Variants in FAM227B observed in about 807,000 individuals in gnomAD.
FAM227B encodes the protein protein FAM227B.
A neutral mutation model predicts 73.8 loss-of-function variants in FAM227B; 88 were observed. The observed-to-expected ratio is 1.19, with a 90% CI of 1.00 to 1.42. The LOEUF is 1.42. FAM227B is among the 40% of genes most tolerant of loss of function. FAM227B has a pLI of 0.00. For missense variants in FAM227B, 632 were observed against 590.9 expected (o/e 1.07, Z -0.72); for synonymous variants, 210 against 190.5 (o/e 1.10, Z -0.84).
At chr15:49,556,980 C>T (rs1021990820) in intron 9 of FAM227B, among the ~76,000 whole-genome samples, 2 of 152,118 alleles carry the variant, frequency 1.3e-5, no homozygotes, top group African/African-American at 4.8e-5. Flanking sequence ...CCCTTGCCTG[C>T]TCATCTCACC....
At chr15:49,415,862 T>C (rs1371749396) in intron 11 of FAM227B, among the ~76,000 whole-genome samples, 3 of 152,188 alleles carry the variant, frequency 2.0e-5, no homozygotes, top group Non-Finnish European at 2.9e-5. Flanking sequence ...TGAGGATTTA[T>C]AGGGACCTCA....
intron 11 of FAM227B, among the ~76,000 whole-genome samples, chr15:49,468,623 T>C (rs549320450): frequency 3.9e-5 from 6 of 152,298 alleles, no homozygotes; most frequent in African/African-American, 1.2e-4. Context: ...AGGTTCTGTA[T>C]CCAGCCTGCT....
chr15:49,599,777 A>G (rs916254313), intron 3 of FAM227B, among the ~76,000 whole-genome samples: 1 of 152,142 alleles, frequency 6.6e-6, no homozygotes, highest in Admixed American at 6.5e-5. Context: ...GAGGTACTTG[A>G]TAAGACTTCA....
intron 11 of FAM227B, among the ~76,000 whole-genome samples, chr15:49,372,623 A>G (rs1216344787): frequency 6.6e-6 from 1 of 152,168 alleles, no homozygotes; most frequent in Admixed American, 6.5e-5. Flanking sequence ...GATTCGTGCC[A>G]CTTCTTAAAG....
Position 49,431,984 on chromosome 15 carries a change from C to T in FAM227B, c.1013-60585G>A, listed in dbSNP as rs112607473. 2.8e-3 allele frequency among the ~76,000 whole-genome samples: 422 copies of T among 151,730 alleles called. 3 individuals are homozygous for T. Among genetic ancestry groups the T allele is most frequent in the African/African-American group, 9.1e-3 (376 of 41,470 alleles). Reference sequence around the variant, plus strand: ...TGATAATAAATTATTACAGGTATTACTCAAATAGGTTTGAATCTCTTGGTT... The same window carrying T: ...TGATAATAAATTATTACAGGTATTATTCAAATAGGTTTGAATCTCTTGGTT... On this transcript the variant is annotated intron_variant, in intron 11 of 15. Transcript: ENST00000299338.
chr15:49,526,225 A>G (rs538428438), intron 10 of FAM227B, among the ~76,000 whole-genome samples: 6 of 152,290 alleles, frequency 3.9e-5, no homozygotes, highest in East Asian at 1.9e-4. Context: ...GTGGAATAAA[A>G]TTAAAAATCA....
At chr15:49,393,336 G>A (rs545561645) in intron 11 of FAM227B, among the ~76,000 whole-genome samples, 1 of 152,190 alleles carries the variant, frequency 6.6e-6, no homozygotes, top group East Asian at 1.9e-4. Context: ...GTGCTCTAAT[G>A]GGAAAAATGC....
chr15:49,576,840 G>A lies in FAM227B; in HGVS notation c.447C>T (p.Cys149=), dbSNP rs1322665655. 2 of 1,604,154 alleles carry A rather than the reference G, an allele frequency of 1.2e-6. No individual in the cohort carries two copies. The highest frequency in any genetic ancestry group is 1.7e-5 in the Admixed American group (1 of 59,556). ...EMETEKNIEG[C]SFTGFKANEL... The stretch of plus-strand genomic sequence containing the variant: ...CATTTGCTTTGAATCCTGTGAAGCT[G>A]CAACCCTAGAAAGAGGAAAATATAA... The change falls in exon 7 of 16, where the codon TGC becomes TGT. Residue 149 remains cysteine, a synonymous_variant. Coordinates refer to ENST00000299338, the MANE Select transcript of FAM227B (RefSeq NM_152647.3).
At chr15:49,572,389 A>G (rs1426572931) in intron 8 of FAM227B, among the ~76,000 whole-genome samples, 1 of 151,942 alleles carries the variant, frequency 6.6e-6, no homozygotes, top group Admixed American at 6.6e-5. Context: ...ACAGCTATAA[A>G]TTTCCCTCTT....
intron 10 of FAM227B, among the ~76,000 whole-genome samples, chr15:49,524,234 T>A (rs1210296675): frequency 6.6e-6 from 1 of 152,116 alleles, no homozygotes; most frequent in African/African-American, 2.4e-5. Flanking sequence ...GATGGTTTTG[T>A]CAGCTGGGCC....
At chr15:49,513,114 A>G (rs1282180772) in intron 10 of FAM227B, among the ~76,000 whole-genome samples, 3 of 152,232 alleles carry the variant, frequency 2.0e-5, no homozygotes, top group African/African-American at 7.2e-5. Flanking sequence ...CTTTGGGTAT[A>G]TATCTAGCAA....
At chr15:49,572,984 C>CT (rs984852077) in intron 8 of FAM227B, among the ~76,000 whole-genome samples, 102 of 147,718 alleles carry the variant, frequency 6.9e-4, no homozygotes, top group Non-Finnish European at 7.2e-4. Context: ...ATAGGTTTGG[C>CT]TTTTTTTTTT....
At chr15:49,361,182 T>C (rs1596530876) in intron 13 of FAM227B, among the ~76,000 whole-genome samples, 1 of 152,182 alleles carries the variant, frequency 6.6e-6, no homozygotes, top group Non-Finnish European at 1.5e-5. Flanking sequence ...TATATACAAT[T>C]ATAATTTGTC....
intron 8 of FAM227B, among the ~76,000 whole-genome samples, chr15:49,572,807 T>C (rs2075200275): frequency 6.6e-6 from 1 of 152,116 alleles, no homozygotes; most frequent in Non-Finnish European, 1.5e-5. Flanking sequence ...GTTTTGTTTC[T>C]TCTATGGTCA....
chr15:49,390,324 C>T (rs944856911), intron 11 of FAM227B, among the ~76,000 whole-genome samples: 19 of 151,920 alleles, frequency 1.3e-4, no homozygotes, highest in Admixed American at 1.2e-3. Context: ...GAAAAATAAG[C>T]CTTTGTCAGC....
chr15:49,589,688 G>A, intron 4 of FAM227B, 88 bp downstream of exon 4: 1 of 787,318 alleles, frequency 1.3e-6, no homozygotes, highest in Non-Finnish European at 2.1e-6. Flanking sequence ...TGACTCAGGA[G>A]GATCACTTGA....
chr15:49,398,021 C>A (rs1012255062), intron 11 of FAM227B, among the ~76,000 whole-genome samples: 10 of 152,118 alleles, frequency 6.6e-5, no homozygotes, highest in South Asian at 2.1e-4. Context: ...TGTAAATGGA[C>A]TAAATGCTCC....
intron 5 of FAM227B, among the ~76,000 whole-genome samples, chr15:49,582,400 A>G (rs2075871098): frequency 6.6e-6 from 1 of 152,248 alleles, no homozygotes; most frequent in Non-Finnish European, 1.5e-5. Context: ...ACATAATGGT[A>G]AAAGACTCAA....
intron 11 of FAM227B, among the ~76,000 whole-genome samples, chr15:49,456,978 G>C (rs1297383013): frequency 6.6e-6 from 1 of 152,070 alleles, no homozygotes; most frequent in Non-Finnish European, 1.5e-5. Flanking sequence ...GAAAAAGTTA[G>C]TCACTTTGCT....
Sources: allele counts gnomAD v4.1 joint callset (sites outside exome capture counted in the v4.1 genomes callset), GRCh38; gene constraint gnomAD v4.1.1; transcripts MANE v1.5; gene names NCBI Gene and HGNC (gene_info 2026-07-23, HGNC 2026-07-21).